TRPM3: variants seen among roughly 807,000 people sequenced by gnomAD.
The protein encoded by TRPM3 is long transient receptor potential channel 3.
TRPM3 carries 77 observed loss-of-function variants against 181.2 expected under a neutral mutation model. The observed-to-expected ratio is 0.42, with a 90% CI of 0.35 to 0.51. The LOEUF (loss-of-function observed/expected upper bound fraction) is 0.51, where lower values mean the gene tolerates loss of function less well. TRPM3 is among the 20% of genes least tolerant of loss of function. The pLI, the probability that TRPM3 is intolerant of heterozygous loss-of-function variation, is 0.01. For synonymous variants in TRPM3, 745 were observed against 796.4 expected, an observed-to-expected ratio of 0.94 and a Z score of 1.09; for missense variants, 1,759 against 2,196.7, an observed-to-expected ratio of 0.80 and a Z score of 3.98.
At chr9:70,858,856 G>A (rs2095451640) in intron 3 of TRPM3, among the ~76,000 whole-genome samples, 1 of 152,226 alleles carries the variant, frequency 6.6e-6, no homozygotes, top group South Asian at 2.1e-4. Flanking sequence ...AGTCCAATGG[G>A]ACAGTGGAGT....
At chr9:71,217,767 G>C (rs974639707) in intron 1 of TRPM3, among the ~76,000 whole-genome samples, 2 of 152,024 alleles carry the variant, frequency 1.3e-5, no homozygotes, top group Non-Finnish European at 2.9e-5. Flanking sequence ...AAACAAACCT[G>C]GTATCTTGGG....
chr9:70,924,185 A>G (rs1932927), intron 1 of TRPM3, among the ~76,000 whole-genome samples: 9,135 of 152,076 alleles, frequency 0.06, 320 homozygotes, highest in South Asian at 0.081. Flanking sequence ...CATCTAATGC[A>G]CAGAAAAGCC....
chr9:71,092,502 T>C (rs930380445), intron 1 of TRPM3, among the ~76,000 whole-genome samples: 2 of 152,280 alleles, frequency 1.3e-5, no homozygotes, highest in South Asian at 2.1e-4. Context: ...TTCTTAATAC[T>C]TAATAAATTG....
intron 1 of TRPM3, among the ~76,000 whole-genome samples, chr9:71,184,657 G>A (rs1051976858): frequency 3.3e-5 from 5 of 152,082 alleles, no homozygotes; most frequent in Non-Finnish European, 5.9e-5. Context: ...GCAACATTAC[G>A]AAGGAGGCAA....
chr9:70,816,007 A>G (rs1222395861), intron 6 of TRPM3, among the ~76,000 whole-genome samples: 2 of 152,212 alleles, frequency 1.3e-5, no homozygotes, highest in East Asian at 3.9e-4. Context: ...CTGTAAGACA[A>G]CAGATACTCC....
intron 1 of TRPM3, among the ~76,000 whole-genome samples, chr9:70,884,448 C>T (rs951090454): frequency 3.3e-5 from 5 of 152,318 alleles, no homozygotes; most frequent in Middle Eastern, 3.4e-3. Flanking sequence ...TCTGAGAATG[C>T]GCTGACCAGG....
chr9:71,120,620 T>C (rs1433260347), intron 1 of TRPM3, among the ~76,000 whole-genome samples: 1 of 152,184 alleles, frequency 6.6e-6, no homozygotes, highest in Non-Finnish European at 1.5e-5. Flanking sequence ...TTATGCCTTT[T>C]CTAAAAACAA....
At position 71,025,672 on chromosome 9, in the gene TRPM3, A is replaced by G. The variant is rs530259623; in HGVS notation, c.177+95506T>C. On this transcript the variant is annotated intron_variant, in intron 1 of 25. Coordinates refer to ENST00000677713, the MANE Select transcript of TRPM3 (RefSeq NM_001366145.2). ...GCAGGTAACTCTGTTCTGGAATTTC[A>G]GCTTGCATCCAACAGAGAAAATGAG... is the stretch of plus-strand genomic sequence containing the variant. Among the ~76,000 whole-genome samples the G allele has an allele frequency of 9.6e-4, 146 of 152,324 alleles. 1 individual carries two copies. The highest frequency in any genetic ancestry group is 3.3e-3 in the African/African-American group (137 of 41,578).
chr9:70,976,558 T>C (rs549693486), intron 1 of TRPM3, among the ~76,000 whole-genome samples: 1 of 152,360 alleles, frequency 6.6e-6, no homozygotes, highest in South Asian at 2.1e-4. Context: ...GAAATTTTTA[T>C]GTACACTACA....
chr9:70,987,390 T>G (rs1437299537), intron 1 of TRPM3, among the ~76,000 whole-genome samples: 1 of 152,200 alleles, frequency 6.6e-6, no homozygotes, highest in African/African-American at 2.4e-5. Context: ...GAACACAGGC[T>G]CTGCGTAAGA....
At chr9:70,975,363 G>C (rs1239916917) in intron 1 of TRPM3, among the ~76,000 whole-genome samples, 1 of 152,190 alleles carries the variant, frequency 6.6e-6, no homozygotes, top group Non-Finnish European at 1.5e-5. Flanking sequence ...GAAATACGTA[G>C]TGGAAAATCA....
intron 1 of TRPM3, 89 bp downstream of exon 1, chr9:71,121,089 C>T: frequency 7.3e-7 from 1 of 1,373,102 alleles, no homozygotes; most frequent in Non-Finnish European, 1.0e-6. Flanking sequence ...TAGGCTCCCC[C>T]AAAGGTGCGT....
chr9:70,820,009 T>C (rs1210046716), intron 6 of TRPM3, among the ~76,000 whole-genome samples: 3 of 152,168 alleles, frequency 2.0e-5, no homozygotes, highest in Non-Finnish European at 4.4e-5. Context: ...TTTCAAAATA[T>C]AGTCTCGGTC....
chr9:70,882,510 G>T (rs1056884657), intron 1 of TRPM3, among the ~76,000 whole-genome samples: 4 of 151,970 alleles, frequency 2.6e-5, no homozygotes, highest in African/African-American at 9.7e-5. Context: ...TAAGGTCATG[G>T]TTTTTGTTTT....
Position 71,357,206 on chromosome 9 carries a change from TGCAA to T in TRPM3, c.183+89443_183+89446del, listed in dbSNP as rs1297228013. ...ATGTCTTTGACTCATTTTCAAACACTGCAAGCTTTACTTCTTGCTGCAGTATCAG... is the reference window on the plus strand; with the variant it reads ...ATGTCTTTGACTCATTTTCAAACACTGCTTTACTTCTTGCTGCAGTATCAG... On this transcript the variant is annotated intron_variant, in intron 1 of 24. Transcript: ENST00000357533. Among the ~76,000 whole-genome samples, 3 of 152,182 alleles carry T rather than the reference TGCAA, an allele frequency of 2.0e-5. 1 individual carries two copies. The highest frequency in any genetic ancestry group is 2.0e-4 in the Admixed American group (3 of 15,278).
intron 9 of TRPM3, among the ~76,000 whole-genome samples, chr9:70,650,200 T>C (rs2059426956): frequency 6.6e-6 from 1 of 152,142 alleles, no homozygotes; most frequent in East Asian, 1.9e-4. Flanking sequence ...AAACTACCCA[T>C]TGAGTACTAT....
At chr9:71,416,215 G>T (rs1442751783) in intron 1 of TRPM3, among the ~76,000 whole-genome samples, 1 of 151,614 alleles carries the variant, frequency 6.6e-6, no homozygotes, top group Admixed American at 6.6e-5. Flanking sequence ...ATCAGAATAG[G>T]TACTTAAGAG....
intron 1 of TRPM3, among the ~76,000 whole-genome samples, chr9:71,421,287 T>C (rs1169066995): frequency 6.6e-6 from 1 of 151,702 alleles, no homozygotes; most frequent in African/African-American, 2.4e-5. Context: ...ACAAGATCAA[T>C]TGTACCCCAA....
chr9:71,283,599 G>T (rs1209149582), intron 1 of TRPM3, among the ~76,000 whole-genome samples: 1 of 152,118 alleles, frequency 6.6e-6, no homozygotes, highest in Non-Finnish European at 1.5e-5. Flanking sequence ...CACCATGTCC[G>T]GCCTCCTTCC....
Sources: allele counts gnomAD v4.1 joint callset (sites outside exome capture counted in the v4.1 genomes callset), GRCh38; gene constraint gnomAD v4.1.1; transcripts MANE v1.5; gene names NCBI Gene and HGNC (gene_info 2026-07-23, HGNC 2026-07-21).